AGBL1: variants seen among roughly 807,000 people sequenced by gnomAD.
AGBL1 encodes the protein AGBL carboxypeptidase 1, also known as cytosolic carboxypeptidase 4.
A neutral mutation model predicts 118.9 loss-of-function variants in AGBL1; 130 were observed. The ratio of observed to expected loss-of-function variants is 1.09; its 90% CI spans 0.95 to 1.26. The LOEUF (loss-of-function observed/expected upper bound fraction) is 1.26, where lower values mean the gene tolerates loss of function less well. Ranked by LOEUF, AGBL1 falls within the 50% of genes most tolerant of loss-of-function variation. The pLI is 0.00. For synonymous variants in AGBL1, 555 were observed against 478.9 expected (o/e 1.16, Z -2.08); for missense variants, 1,584 against 1,298.1 (o/e 1.22, Z -3.38).
At chr15:86,768,353 C>G (rs1207067724) in intron 22 of AGBL1, among the ~76,000 whole-genome samples, 3 of 151,946 alleles carry the variant, frequency 2.0e-5, no homozygotes, top group Non-Finnish European at 2.9e-5. Context: ...CATAACAACA[C>G]AACATAACAT....
intron 18 of AGBL1, among the ~76,000 whole-genome samples, chr15:86,511,963 G>T (rs2083057508): frequency 6.6e-6 from 1 of 151,964 alleles, no homozygotes; most frequent in Non-Finnish European, 1.5e-5. Context: ...TGTGGTGTCA[G>T]AAAGCATTTA....
At chr15:86,383,052 C>A (rs1202244890) in intron 17 of AGBL1, among the ~76,000 whole-genome samples, 1 of 152,018 alleles carries the variant, frequency 6.6e-6, no homozygotes, top group African/African-American at 2.4e-5. Context: ...CAGCTTCAGA[C>A]TCTTACATTT....
chr15:86,664,757 A>G (rs1160319297), intron 21 of AGBL1, among the ~76,000 whole-genome samples: 3 of 152,060 alleles, frequency 2.0e-5, no homozygotes, highest in Non-Finnish European at 2.9e-5. Context: ...TTTATTATTG[A>G]ATATTTAAAT....
chr15:86,113,862 G>T (rs970480858), intron 1 of AGBL1, among the ~76,000 whole-genome samples: 1 of 152,098 alleles, frequency 6.6e-6, no homozygotes, highest in East Asian at 1.9e-4. Flanking sequence ...TAAGAAAAAT[G>T]ACCCAAATTT....
intron 23 of AGBL1, among the ~76,000 whole-genome samples, chr15:86,974,464 A>ATG (rs2081149795): frequency 7.5e-6 from 1 of 133,978 alleles, no homozygotes; most frequent in Non-Finnish European, 1.5e-5. Flanking sequence ...TTGAATATAA[A>ATG]CATATTTTAT....
chr15:86,505,194 T>C (rs1310248400), intron 18 of AGBL1, among the ~76,000 whole-genome samples: 2 of 151,922 alleles, frequency 1.3e-5, no homozygotes, highest in Non-Finnish European at 2.9e-5. Flanking sequence ...ATTCTCTTTG[T>C]CTTTTGATAT....
intron 22 of AGBL1, among the ~76,000 whole-genome samples, chr15:86,786,269 A>T (rs1271547561): frequency 3.3e-5 from 5 of 151,318 alleles, no homozygotes; most frequent in Non-Finnish European, 7.4e-5. Context: ...CCCCGACCCC[A>T]CAACAGTCCC....
intron 21 of AGBL1, among the ~76,000 whole-genome samples, chr15:86,564,096 T>G (rs577777033): frequency 6.6e-6 from 1 of 152,362 alleles, no homozygotes; most frequent in Non-Finnish European, 1.5e-5. Context: ...TTTGCCAGTC[T>G]GTGTCTTTTA....
At chr15:86,786,832 T>C (rs1217944020) in intron 22 of AGBL1, among the ~76,000 whole-genome samples, 1 of 152,214 alleles carries the variant, frequency 6.6e-6, no homozygotes. Flanking sequence ...TTAAACACTG[T>C]GCTACATTTA....
At chr15:86,815,363 A>C (rs541581770) in intron 22 of AGBL1, among the ~76,000 whole-genome samples, 2 of 152,286 alleles carry the variant, frequency 1.3e-5, no homozygotes, top group Admixed American at 1.3e-4. Context: ...GTCCACCACC[A>C]ATTTCTAGTG....
chr15:86,637,713 C>T (rs1400482059), intron 21 of AGBL1, among the ~76,000 whole-genome samples: 1 of 152,036 alleles, frequency 6.6e-6, no homozygotes, highest in Non-Finnish European at 1.5e-5. Flanking sequence ...AAGAAGCACT[C>T]AGATTTTGCA....
chr15:86,754,557 C>T (rs1291814148), intron 22 of AGBL1, among the ~76,000 whole-genome samples: 4 of 151,964 alleles, frequency 2.6e-5, no homozygotes, highest in Admixed American at 1.3e-4. Context: ...CCAAAGGGCT[C>T]CTGATCCCAT....
intron 24 of AGBL1, among the ~76,000 whole-genome samples, chr15:87,011,685 C>G (rs527673511): frequency 6.6e-6 from 1 of 152,190 alleles, no homozygotes; most frequent in Non-Finnish European, 1.5e-5. Flanking sequence ...GGTGAGATAG[C>G]TCTCCACTGG....
At chr15:87,029,016 G>A (rs1596758762) in exon 25 of AGBL1, 2 of 598,972 alleles carry the variant, frequency 3.3e-6, no homozygotes, top group Admixed American at 3.2e-5. Context: ...GAAAACATAA[G>A]GACAGGCAAT....
chr15:86,542,340 G>A (rs1261266246), intron 19 of AGBL1, among the ~76,000 whole-genome samples: 1 of 149,480 alleles, frequency 6.7e-6, no homozygotes, highest in African/African-American at 2.5e-5. Flanking sequence ...GGTTTGTAGG[G>A]GATGCCACCA....
chr15:86,619,238 C>T (rs1407556395), intron 21 of AGBL1, among the ~76,000 whole-genome samples: 2 of 152,078 alleles, frequency 1.3e-5, no homozygotes, highest in South Asian at 4.1e-4. Context: ...TTTTAATAGA[C>T]GTGACACTGA....
At chr15:86,696,370 A>C (rs1017561738) in intron 22 of AGBL1, among the ~76,000 whole-genome samples, 1 of 151,938 alleles carries the variant, frequency 6.6e-6, no homozygotes, top group African/African-American at 2.4e-5. Context: ...GTTGCTTTAA[A>C]GTTTGTTTCA....
chr15:86,762,866 G>C (rs1567162154), intron 22 of AGBL1, among the ~76,000 whole-genome samples: 1 of 151,962 alleles, frequency 6.6e-6, no homozygotes, highest in African/African-American at 2.4e-5. Flanking sequence ...GTTGTAAAGA[G>C]GCCACCTCCA....
chr15:86,975,274 A>C (rs1214594451), intron 23 of AGBL1, among the ~76,000 whole-genome samples: 1 of 152,092 alleles, frequency 6.6e-6, no homozygotes, highest in Non-Finnish European at 1.5e-5. Context: ...CAACCATGGC[A>C]GAAGGTGAAG....
Sources: gnomAD v4.1 joint callset for allele counts (sites outside exome capture counted in the v4.1 genomes callset) on GRCh38, gnomAD v4.1.1 for gene constraint, MANE v1.5 for transcripts, NCBI Gene and HGNC (gene_info 2026-07-23, HGNC 2026-07-21) for gene names.